The following CSMD3 variants were observed in gnomAD, a reference collection of about 807,000 sequenced individuals.
The protein encoded by CSMD3 is CUB and Sushi multiple domains 3.
Under a neutral mutation model 435.2 loss-of-function variants are expected in CSMD3, and 177 were observed. That is an observed-to-expected ratio of 0.41 (90% CI 0.36 to 0.46). The LOEUF (loss-of-function observed/expected upper bound fraction) is 0.46. CSMD3 is among the 20% of genes least tolerant of loss of function. The pLI is 0.34. For synonymous variants in CSMD3, 1,656 were observed against 1,520.5 expected, an observed-to-expected ratio of 1.09 and a Z score of -2.07; for missense variants, 4,265 against 4,504.6, an observed-to-expected ratio of 0.95 and a Z score of 1.52.
chr8:113,252,633 T>C (rs1313070131), intron 3 of CSMD3, among the ~76,000 whole-genome samples: 1 of 152,136 alleles, frequency 6.6e-6, no homozygotes, highest in Non-Finnish European at 1.5e-5. Flanking sequence ...TTCTCTATTA[T>C]GACAAATCAA....
intron 13 of CSMD3, among the ~76,000 whole-genome samples, chr8:112,795,393 T>A (rs2078803836): frequency 6.6e-6 from 1 of 152,080 alleles, no homozygotes; most frequent in African/African-American, 2.4e-5. Context: ...TACAGAAAAA[T>A]GTTTGACTAG....
At chr8:113,265,894 G>A (rs1365997074) in intron 3 of CSMD3, among the ~76,000 whole-genome samples, 1 of 151,430 alleles carries the variant, frequency 6.6e-6, no homozygotes, top group Admixed American at 6.6e-5. Context: ...GTCTTTGCAG[G>A]TATGACATTT....
intron 5 of CSMD3, among the ~76,000 whole-genome samples, chr8:113,041,329 G>A (rs1452154482): frequency 6.6e-6 from 1 of 151,978 alleles, no homozygotes; most frequent in Non-Finnish European, 1.5e-5. Context: ...AGGCTTTGGT[G>A]TGGAAGAATA....
chr8:112,984,655 GA>G (rs748869386), intron 6 of CSMD3, among the ~76,000 whole-genome samples: 3 of 152,002 alleles, frequency 2.0e-5, no homozygotes, highest in Non-Finnish European at 2.9e-5. Flanking sequence ...ATCAAATTTA[GA>G]ACAGAATATA....
intron 10 of CSMD3, among the ~76,000 whole-genome samples, chr8:112,920,935 A>G (rs972101285): frequency 1.3e-5 from 2 of 150,208 alleles, no homozygotes; most frequent in Non-Finnish European, 1.5e-5. Flanking sequence ...ACACACACAC[A>G]CACACGCACA....
intron 45 of CSMD3, among the ~76,000 whole-genome samples, chr8:112,327,075 T>C (rs930611694): frequency 2.0e-5 from 3 of 152,098 alleles, no homozygotes; most frequent in South Asian, 2.1e-4. Flanking sequence ...TTGTTTTACA[T>C]TGATGTACCT....
At chr8:113,257,884 A>C (rs1246826408) in intron 3 of CSMD3, among the ~76,000 whole-genome samples, 1 of 152,148 alleles carries the variant, frequency 6.6e-6, no homozygotes, top group Non-Finnish European at 1.5e-5. Flanking sequence ...AAAATAACAC[A>C]CTAAGAAAAA....
chr8:112,722,579 G>A (rs1253226479), intron 13 of CSMD3, among the ~76,000 whole-genome samples: 1 of 150,572 alleles, frequency 6.6e-6, no homozygotes, highest in Non-Finnish European at 1.5e-5. Context: ...GCGTTAGCGT[G>A]TGTGTGTGTG....
intron 28 of CSMD3, among the ~76,000 whole-genome samples, chr8:112,511,165 T>C (rs1823080510): frequency 6.6e-6 from 1 of 152,166 alleles, no homozygotes; most frequent in Admixed American, 6.5e-5. Flanking sequence ...GTTTACACTA[T>C]CTTGTAGTCT....
chr8:112,652,832 C>CA (rs1204772661), intron 18 of CSMD3, among the ~76,000 whole-genome samples: 1 of 151,732 alleles, frequency 6.6e-6, no homozygotes, highest in Non-Finnish European at 1.5e-5. Context: ...TTTTTTTAGA[C>CA]AGAGTCTCAC....
chr8:113,001,343 A>T (rs997309078), intron 6 of CSMD3, among the ~76,000 whole-genome samples: 9 of 152,020 alleles, frequency 5.9e-5, no homozygotes, highest in Non-Finnish European at 1.3e-4. Context: ...TAATCCTGCT[A>T]TGTTTTAGCC....
intron 11 of CSMD3, among the ~76,000 whole-genome samples, chr8:112,840,125 T>G (rs2080137912): frequency 6.6e-6 from 1 of 151,702 alleles, no homozygotes; most frequent in South Asian, 2.1e-4. Context: ...ACAAGAGAAA[T>G]TACCTGCCAC....
intron 27 of CSMD3, among the ~76,000 whole-genome samples, chr8:112,522,636 T>C (rs569627361): frequency 6.6e-6 from 1 of 152,080 alleles, no homozygotes; most frequent in South Asian, 2.1e-4. Flanking sequence ...GGTTTATTTA[T>C]AATATGATAT....
intron 5 of CSMD3, among the ~76,000 whole-genome samples, chr8:113,032,999 T>C (rs1433026812): frequency 6.6e-6 from 1 of 151,414 alleles, no homozygotes; most frequent in Non-Finnish European, 1.5e-5. Flanking sequence ...TTCCACGTGG[T>C]ATTGGGCCTG....
intron 7 of CSMD3, among the ~76,000 whole-genome samples, chr8:112,957,307 T>A (rs1165983703): frequency 1.3e-5 from 2 of 152,138 alleles, no homozygotes; most frequent in Non-Finnish European, 2.9e-5. Flanking sequence ...CATGTAAAAT[T>A]TATTGTAGAG....
At chr8:113,168,247 C>G (rs1047505715) in intron 4 of CSMD3, among the ~76,000 whole-genome samples, 1 of 151,956 alleles carries the variant, frequency 6.6e-6, no homozygotes, top group Non-Finnish European at 1.5e-5. Context: ...AGATTTTAGA[C>G]TGGACGTGGT....
intron 20 of CSMD3, among the ~76,000 whole-genome samples, chr8:112,642,637 C>G (rs2074864298): frequency 6.6e-6 from 1 of 152,042 alleles, no homozygotes; most frequent in African/African-American, 2.4e-5. Context: ...ATGTAAATCA[C>G]TTCAAAATGA....
chr8:113,198,066 T>C lies in CSMD3; in HGVS notation c.515-24150A>G, dbSNP rs532752286. ...TCATACATGAATACCTATTTATTTC[T>C]GTAATACATCTAAAAAGATTAATGC... On this transcript the variant is annotated intron_variant, in intron 3 of 70. Coordinates refer to ENST00000297405, the MANE Select transcript of CSMD3 (RefSeq NM_198123.2). Among the ~76,000 whole-genome samples the C allele has an allele frequency of 2.6e-4, 39 of 151,512 alleles. No homozygotes were observed. In the South Asian group the frequency reaches 7.9e-3, roughly 31 times the overall value.
At chr8:112,684,107 A>G (rs2075961274) in intron 15 of CSMD3, among the ~76,000 whole-genome samples, 1 of 151,906 alleles carries the variant, frequency 6.6e-6, no homozygotes, top group South Asian at 2.1e-4. Flanking sequence ...TATTTCCATA[A>G]TACCCTGAAA....
Sources: allele counts gnomAD v4.1 joint callset (sites outside exome capture counted in the v4.1 genomes callset), GRCh38; gene constraint gnomAD v4.1.1; transcripts MANE v1.5; gene names NCBI Gene and HGNC (gene_info 2026-07-23, HGNC 2026-07-21).